PRPF8: variants seen among roughly 807,000 people sequenced by gnomAD.
PRPF8 encodes pre-mRNA-processing-splicing factor 8.
PRPF8 carries 64 observed loss-of-function variants against 285.9 expected under a neutral mutation model. The ratio of observed to expected loss-of-function variants is 0.22; its 90% CI spans 0.18 to 0.28. The LOEUF (loss-of-function observed/expected upper bound fraction) is 0.28, where lower values mean the gene tolerates loss of function less well. Ranked by LOEUF, PRPF8 falls within the 10% of genes least tolerant of loss-of-function variation. The pLI, the probability that PRPF8 is intolerant of heterozygous loss-of-function variation, is 1.00. For missense variants in PRPF8, 1,426 were observed against 3,026.7 expected (o/e 0.47, Z 12.41); for synonymous variants, 1,325 against 1,118.2 (o/e 1.18, Z -3.69).
At chr17:1,672,838 G>A in intron 24 of PRPF8, 1 of 590,448 alleles carries the variant, frequency 1.7e-6, no homozygotes, top group Non-Finnish European at 3.0e-6. Context: ...TTTTACTCTT[G>A]CCTTAATTTA....
chr17:1,651,474 G>A lies in PRPF8; in HGVS notation c.6590C>T (p.Ala2197Val). Residue 2197 changes from alanine to valine, a missense_variant, in exon 41 of 43, where the codon GCC becomes GTC. By Grantham distance (64) the Ala-to-Val change is moderately conservative. This residue lies in a region of PRPF8 where 160 missense variants were observed against 373.7 expected (regional missense o/e 0.43). Transcript: ENST00000304992. This position sits in a 1 kb window ranked among gnomAD's most constrained non-coding sequence, Gnocchi z 5.1. ...QLSPQDVTTH[A>V]KIMADNPSWD... ...AGATGGGTTGTCAGCCATGATCTTG[G>A]CATGGGTGGTGACATCCTGGGGTGA... The A allele has an allele frequency of 6.2e-7, 1 of 1,614,176 alleles. No homozygotes were observed. Among genetic ancestry groups the A allele is most frequent in the Non-Finnish European group, 8.5e-7 (1 of 1,180,038 alleles).
Position 1,659,096 on chromosome 17 carries a change from G to C in PRPF8, c.5138+261C>G. ...GCTGGAGTGCAGTGGCGCAATCTCG[G>C]TTCACTGCAAGCTCCGCCTCCCGGG... On this transcript the variant is annotated intron_variant, in intron 32 of 42. Transcript: ENST00000304992. The surrounding 1 kb of genome is among the most constrained non-coding windows in gnomAD (Gnocchi z 5.1). 1 of 610,230 alleles carries C rather than the reference G, an allele frequency of 1.6e-6. No individual in the cohort carries two copies. Among genetic ancestry groups the C allele is most frequent in the Non-Finnish European group, 2.9e-6 (1 of 345,032 alleles). The allele number at this position is 610,230 out of a possible 1,614,324, so 37.8% of individuals were successfully genotyped here.
intron 34 of PRPF8, among the ~76,000 whole-genome samples, chr17:1,657,173 G>C (rs531064215): frequency 5.9e-5 from 9 of 152,190 alleles, no homozygotes; most frequent in Admixed American, 3.9e-4. Flanking sequence ...CAGGGGTTTG[G>C]GCTACTAAGA....
Position 1,659,751 on chromosome 17 carries a change from C to A in PRPF8, c.4946+90G>T. The stretch of plus-strand genomic sequence containing the variant: ...ACTGGCTCCAAGTTTGAAACAAAGG[C>A]AGACAGGACAATTCCTAAAGTTGCA... On this transcript the variant is annotated intron_variant, in intron 31 of 42. Coordinates refer to ENST00000304992, the MANE Select transcript of PRPF8 (RefSeq NM_006445.4). The surrounding 1 kb of genome is among the most constrained non-coding windows in gnomAD (Gnocchi z 5.1). 6.6e-7 allele frequency: 1 copy of A among 1,516,102 alleles called. No individual in the cohort carries two copies. Among genetic ancestry groups the A allele is most frequent in the Non-Finnish European group, 9.0e-7 (1 of 1,105,716 alleles). The allele number at this position is 1,516,102 out of a possible 1,614,324, so 93.9% of individuals were successfully genotyped here. A position where few individuals can be genotyped will look rare whatever the true frequency, so the allele number is the denominator to read the frequency against.
chr17:1,657,289 G>C (rs776145058), intron 34 of PRPF8, among the ~76,000 whole-genome samples: 4 of 152,152 alleles, frequency 2.6e-5, no homozygotes, highest in Non-Finnish European at 5.9e-5. Context: ...AGCTAAAGAA[G>C]AGTTAATTCA....
At position 1,684,811 on chromosome 17, in the gene PRPF8, C is replaced by G. The variant is rs575056329; in HGVS notation, c.-43G>C. On this transcript the variant is annotated 5_prime_UTR_variant, in exon 1 of 43. Transcript: ENST00000304992. The stretch of plus-strand genomic sequence containing the variant: ...GGCCCTCACACAAGAGGCCGCTTTC[C>G]CCGCAGCGCAATGGCGGCCAGACTG... The G allele has an allele frequency of 1.7e-3, 995 of 598,362 alleles. 1 individual carries two copies. Among genetic ancestry groups the G allele is most frequent in the Non-Finnish European group, 2.6e-3 (861 of 334,654 alleles). 37.1% of individuals were successfully genotyped at this position (598,362 alleles called of 1,614,324 possible). A position where few individuals can be genotyped will look rare whatever the true frequency, so the allele number is the denominator to read the frequency against.
chr17:1,670,613 T>A (rs1912255727), intron 24 of PRPF8, among the ~76,000 whole-genome samples: 1 of 152,052 alleles, frequency 6.6e-6, no homozygotes, highest in African/African-American at 2.4e-5. Context: ...CAGCCTCCTG[T>A]GTAGCTGGGA....
In PRPF8 at chr17:1,650,943, G is replaced by C. The variant is rs749519000; in HGVS notation, c.6867C>G (p.Asp2289Glu). The C allele has an allele frequency of 1.9e-6, 3 of 1,614,212 alleles. No individual in the cohort carries two copies. In the South Asian group the frequency reaches 3.3e-5, roughly 18 times the overall value. ...GCTGTAGCTCATATTTCATGTTGGG[G>C]TCATGCCGAACACCTTCGGGGAGAA... The part of the protein sequence containing the change: ...WNYNFMGVRH[D>E]PNMKYELQLA... Residue 2289 changes from aspartate to glutamate, a missense_variant, in exon 43 of 43, where the codon GAC (aspartate) becomes GAG (glutamate). Physicochemically the swap from Asp to Glu is conservative, Grantham distance 45. Coordinates refer to ENST00000304992, the MANE Select transcript of PRPF8 (RefSeq NM_006445.4).
intron 21 of PRPF8, among the ~76,000 whole-genome samples, chr17:1,674,158 G>T (rs1194253026): frequency 6.6e-6 from 1 of 152,146 alleles, no homozygotes; most frequent in Admixed American, 6.5e-5. Flanking sequence ...GAGTAGCTGG[G>T]ACTACAGGCA....
chr17:1,651,793 A>G lies in PRPF8; in HGVS notation c.6370-5T>C, dbSNP rs1298143153. On this transcript the variant is annotated splice_polypyrimidine_tract_variant and splice_region_variant and intron_variant, in intron 39 of 42. Coordinates refer to ENST00000304992, the MANE Select transcript of PRPF8 (RefSeq NM_006445.4). This position sits in a 1 kb window ranked among gnomAD's most constrained non-coding sequence, Gnocchi z 5.1. ...CCCATATAGGTATCCTGCAATCTGG[A>G]GACAAAGGGGTCAGGAACCAAAACT... 1.2e-5 allele frequency: 19 copies of G among 1,613,936 alleles called. No individual in the cohort carries two copies. Among genetic ancestry groups the G allele is most frequent in the Non-Finnish European group, 1.5e-5 (18 of 1,179,992 alleles).
At chr17:1,681,441 C>A in intron 6 of PRPF8, 37 bp downstream of exon 6, 1 of 1,531,086 alleles carries the variant, frequency 6.5e-7, no homozygotes, top group Non-Finnish European at 9.1e-7. Flanking sequence ...TTTCATTCAA[C>A]TCAAAATGTC....
chr17:1,678,188 G>A (rs989568717), intron 13 of PRPF8, among the ~76,000 whole-genome samples: 18 of 152,114 alleles, frequency 1.2e-4, no homozygotes, highest in Non-Finnish European at 1.8e-4. Context: ...GGTGGTGCGC[G>A]CCTGTAGTCC....
Position 1,651,462 on chromosome 17 carries a change from G to A in PRPF8, c.6602C>T (p.Ala2201Val). 1 of 1,614,196 alleles carries A rather than the reference G, an allele frequency of 6.2e-7. No homozygotes were observed. The change falls in exon 41 of 43, where the codon GCT (alanine) becomes GTT (valine). Residue 2201 changes from alanine (A) to valine (V), a missense_variant. Ala to Val is a moderately conservative substitution (Grantham distance 64, BLOSUM62 0). Around this residue, in one of 34 missense-constraint regions of PRPF8, gnomAD observed 160 missense variants for 373.7 expected, o/e 0.43. Transcript: ENST00000304992. This position sits in a 1 kb window ranked among gnomAD's most constrained non-coding sequence, Gnocchi z 5.1. ...CTCGCCATCCCAAGATGGGTTGTCA[G>A]CCATGATCTTGGCATGGGTGGTGAC... ...QDVTTHAKIM[A>V]DNPSWDGEKT...
chr17:1,680,131 T>G (rs1912824810), intron 8 of PRPF8, among the ~76,000 whole-genome samples: 2 of 152,258 alleles, frequency 1.3e-5, no homozygotes, highest in South Asian at 4.1e-4. Flanking sequence ...GGAACACAGA[T>G]GAGCATCAAA....
chr17:1,677,460 T>C (rs1912664383), intron 14 of PRPF8, 105 bp downstream of exon 14: 2 of 1,542,786 alleles, frequency 1.3e-6, no homozygotes, highest in Admixed American at 3.3e-5. Context: ...CTAAAGGCAA[T>C]CCAGTAGGAA....
At chr17:1,667,868 G>C (rs2151121298) in intron 24 of PRPF8, among the ~76,000 whole-genome samples, 1 of 152,150 alleles carries the variant, frequency 6.6e-6, no homozygotes, top group South Asian at 2.1e-4. Context: ...AATATAAACA[G>C]GATCTTGCTA....
At chr17:1,682,826 T>C (rs943473116) in intron 3 of PRPF8, among the ~76,000 whole-genome samples, 2 of 152,198 alleles carry the variant, frequency 1.3e-5, no homozygotes, top group African/African-American at 2.4e-5. Context: ...AAGACATCTG[T>C]ACCTGTACTA....
chr17:1,653,871 G>A lies in PRPF8; in HGVS notation c.6133C>T (p.Arg2045Cys), dbSNP rs1277141336. Residue 2045 changes from arginine to cysteine, a missense_variant, in exon 38 of 43, where the codon CGC (arginine) becomes TGC (cysteine). Arg to Cys is a radical substitution (Grantham distance 180). Around this residue, in one of 34 missense-constraint regions of PRPF8, gnomAD observed 160 missense variants for 373.7 expected, o/e 0.43. Coordinates refer to ENST00000304992, the MANE Select transcript of PRPF8 (RefSeq NM_006445.4). The surrounding 1 kb of genome is among the most constrained non-coding windows in gnomAD (Gnocchi z 4.9). ...EQSQLTATQT[R>C]TVNKHGDEII... is the part of the protein sequence containing the mutation. Reference sequence around the variant, plus strand: ...TCATCGCCATGCTTGTTGACAGTGCGAGTCTGTGTTGCCGTCAGCTGCGAT... The same window carrying A: ...TCATCGCCATGCTTGTTGACAGTGCAAGTCTGTGTTGCCGTCAGCTGCGAT... 2 of 1,614,144 alleles carry A rather than the reference G, an allele frequency of 1.2e-6. No homozygotes were observed. Among genetic ancestry groups the A allele is most frequent in the Non-Finnish European group, 1.7e-6 (2 of 1,180,032 alleles).
Position 1,678,890 on chromosome 17 carries a change from G to A in PRPF8, c.1600-9C>T. 3 of 1,614,102 alleles carry A rather than the reference G, an allele frequency of 1.9e-6. No individual in the cohort carries two copies. The highest frequency in any genetic ancestry group is 2.5e-6 in the Non-Finnish European group (3 of 1,180,020). On this transcript the variant is annotated splice_polypyrimidine_tract_variant and intron_variant, in intron 11 of 42. Transcript: ENST00000304992. ...CGAGATTTCTTTCTTTCCTGGAGAA[G>A]ATGCAAAAAACAGACAGAACGTGAA...
Sources: gnomAD v4.1 joint callset for allele counts (sites outside exome capture counted in the v4.1 genomes callset) on GRCh38, gnomAD v4.1.1 for gene constraint, gnomAD v4.1.1 regional missense constraint, Gnocchi (gnomAD v3.1) non-coding constraint, MANE v1.5 for transcripts, NCBI Gene and HGNC (gene_info 2026-07-23, HGNC 2026-07-21) for gene names.